IRGM: variants seen among roughly 807,000 people sequenced by gnomAD.
IRGM encodes the protein immunity related GTPase M.
For synonymous variants in IRGM, 98 were observed against 80.6 expected (o/e 1.22, Z -1.16); for missense variants, 288 against 219.9 (o/e 1.31, Z -1.96).
chr5:150,880,016 C>G (rs920428043), intron 3 of IRGM, among the ~76,000 whole-genome samples: 1 of 152,150 alleles, frequency 6.6e-6, no homozygotes, highest in Non-Finnish European at 1.5e-5. Context: ...ACTTTCTTCC[C>G]TATATAAGAT....
chr5:150,855,874 G>A (rs1754041097), intron 1 of IRGM, among the ~76,000 whole-genome samples: 1 of 152,076 alleles, frequency 6.6e-6, no homozygotes, highest in Non-Finnish European at 1.5e-5. Flanking sequence ...TTTGTAAAAG[G>A]GGAAAATTTG....
At chr5:150,850,314 CTAA>C (rs770037832), downstream of IRGM, among the ~76,000 whole-genome samples, 10 of 152,102 alleles carry the variant, frequency 6.6e-5, no homozygotes, top group East Asian at 3.9e-4. Context: ...GTTCTATTTC[CTAA>C]TAATAAGAAA....
intron 3 of IRGM, among the ~76,000 whole-genome samples, chr5:150,884,414 A>G (rs1208847552): frequency 6.6e-6 from 1 of 152,050 alleles, no homozygotes; most frequent in Admixed American, 6.6e-5. Flanking sequence ...AGAATGATTT[A>G]TATTCCTCTG....
At position 150,848,487 on chromosome 5, in the gene IRGM, C is replaced by T. The variant is rs1425162166; in HGVS notation, c.364C>T (p.Gln122Ter). 4.5e-6 allele frequency: 7 copies of T among 1,551,732 alleles called. No individual in the cohort carries two copies. Among genetic ancestry groups the T allele is most frequent in the Non-Finnish European group, 6.1e-6 (7 of 1,146,994 alleles). Residue 122 changes from glutamine to a stop codon, truncating the protein, a stop_gained, in exon 2 of 2, where the codon CAA becomes TAA. Coordinates refer to ENST00000522154, the MANE Select transcript of IRGM (RefSeq NM_001145805.2). LOFTEE classifies it low-confidence loss of function (END_TRUNC). The stretch of plus-strand genomic sequence containing the variant: ...TGACTTCATCATGGTTGCATCTGCA[C>T]AATTCAGCATGAATCATGTGATGCT... ...RYDFIMVASA[Q>*]FSMNHVMLAK...
chr5:150,895,735 A>G, intron 3 of IRGM: 1 of 1,613,670 alleles, frequency 6.2e-7, no homozygotes, highest in Non-Finnish European at 8.5e-7. Context: ...TTCTGGCAGA[A>G]GGCTTTGCCA....
intron 3 of IRGM, among the ~76,000 whole-genome samples, chr5:150,899,410 C>T (rs985232774): frequency 2.6e-5 from 4 of 151,356 alleles, no homozygotes; most frequent in Admixed American, 2.0e-4. Flanking sequence ...TTTGTAAGTA[C>T]ATTTTTTTTT....
chr5:150,867,431 C>T (rs1049947569), intron 1 of IRGM, among the ~76,000 whole-genome samples: 2 of 152,148 alleles, frequency 1.3e-5, no homozygotes, highest in Admixed American at 6.6e-5. Flanking sequence ...AATTTTGCTG[C>T]TATAAACATG....
downstream of IRGM, among the ~76,000 whole-genome samples, chr5:150,901,964 G>T (rs10035986): frequency 6.6e-6 from 1 of 151,948 alleles, no homozygotes; most frequent in Non-Finnish European, 1.5e-5. Context: ...AAAGAAAAGC[G>T]CAAGAAAATA....
At position 150,859,229 on chromosome 5, in the gene IRGM, T is replaced by A. The variant is rs186198373; in HGVS notation, c.158+10575T>A. Among the ~76,000 whole-genome samples, 16 of 152,320 alleles carry A rather than the reference T, an allele frequency of 1.1e-4. No homozygotes were observed. In the East Asian group the frequency reaches 3.1e-3, roughly 29 times the overall value. ...GTTCTGTTTATATGCTGGGTTACAT[T>A]TATTGATTTGTGTATGTTGAACCAG... On this transcript the variant is annotated intron_variant and NMD_transcript_variant, in intron 1 of 3. Transcript: ENST00000520549.
At chr5:150,887,929 G>A (rs763606867) in intron 3 of IRGM, among the ~76,000 whole-genome samples, 6 of 151,798 alleles carry the variant, frequency 4.0e-5, no homozygotes, top group Non-Finnish European at 8.8e-5. Context: ...CCAGCTAAGA[G>A]CACAATGACA....
At chr5:150,895,495 A>G in intron 3 of IRGM, 2 of 1,613,542 alleles carry the variant, frequency 1.2e-6, no homozygotes, top group Non-Finnish European at 1.7e-6. Flanking sequence ...GCCTTCCCAC[A>G]TATAGCACAT....
At chr5:150,867,642 A>ATT (rs56779347) in intron 1 of IRGM, among the ~76,000 whole-genome samples, 24,111 of 149,572 alleles carry the variant, frequency 0.16, 2,466 homozygotes, top group East Asian at 0.57. Flanking sequence ...GCCAACATCT[A>ATT]TTTTTTTTTT....
chr5:150,897,057 C>T, intron 3 of IRGM: 3 of 1,077,166 alleles, frequency 2.8e-6, no homozygotes, highest in South Asian at 3.3e-5. Context: ...GATGATCCAA[C>T]ATAGTAGATG....
intron 3 of IRGM, among the ~76,000 whole-genome samples, chr5:150,889,040 A>G (rs1754567293): frequency 6.6e-6 from 1 of 151,994 alleles, no homozygotes; most frequent in South Asian, 2.1e-4. Flanking sequence ...ATTGTTTTCA[A>G]ATTTCAATTT....
At chr5:150,899,808 T>G (rs1287058745) in intron 3 of IRGM, among the ~76,000 whole-genome samples, 3 of 152,154 alleles carry the variant, frequency 2.0e-5, no homozygotes, top group Non-Finnish European at 2.9e-5. Context: ...CTAATAGTGA[T>G]CTGTATTATT....
At chr5:150,886,228 CA>C (rs561836464) in intron 3 of IRGM, among the ~76,000 whole-genome samples, 62 of 152,098 alleles carry the variant, frequency 4.1e-4, no homozygotes, top group Non-Finnish European at 8.1e-4. Flanking sequence ...TATGTTGAAG[CA>C]AACTCACATC....
chr5:150,895,638 G>T (rs772746777), intron 3 of IRGM: 1 of 1,613,206 alleles, frequency 6.2e-7, no homozygotes, highest in Non-Finnish European at 8.5e-7. Flanking sequence ...CGGAAGGTGG[G>T]ACTTCTGAGA....
In IRGM at chr5:150,848,386, T is replaced by G; in HGVS notation, c.263T>G (p.Leu88Trp). 1 of 1,551,874 alleles carries G rather than the reference T, an allele frequency of 6.4e-7. No individual in the cohort carries two copies. The highest frequency in any genetic ancestry group is 8.7e-7 in the Non-Finnish European group (1 of 1,146,990). ...TCTTCCCACTTTTCAAATGTGGTGT[T>G]GTGGGACCTGCCTGGCACAGGGTCT... ...YFSSHFSNVV[L>W]WDLPGTGSAT... is the part of the protein sequence containing the mutation. Residue 88 changes from leucine (L) to tryptophan (W), a missense_variant, in exon 2 of 2, where the codon TTG becomes TGG. Physicochemically the swap from Leu to Trp is moderately conservative, Grantham distance 61 (BLOSUM62 -2). Transcript: ENST00000522154.
chr5:150,897,827 C>T, intron 3 of IRGM: 2 of 433,890 alleles, frequency 4.6e-6, no homozygotes, highest in East Asian at 3.5e-5. Context: ...AGGAATTTGC[C>T]TTCTATTGCC....
Sources: allele counts gnomAD v4.1 joint callset (sites outside exome capture counted in the v4.1 genomes callset), GRCh38; gene constraint gnomAD v4.1.1; transcripts MANE v1.5; gene names NCBI Gene and HGNC (gene_info 2026-07-23, HGNC 2026-07-21).